The following CNKSR2 variants were observed in gnomAD, a reference collection of about 807,000 sequenced individuals.
The protein encoded by CNKSR2 is connector enhancer of kinase suppressor of Ras 2.
In CNKSR2, 14 loss-of-function variants were observed where a neutral mutation model predicts 84.4. The ratio of observed to expected loss-of-function variants is 0.17; its 90% CI spans 0.11 to 0.26. CNKSR2 has a LOEUF of 0.26. Among genes scored for constraint, CNKSR2 ranks in the 10% least tolerant of loss-of-function variants. The pLI, the probability that CNKSR2 is intolerant of heterozygous loss-of-function variation, is 1.00. For missense variants in CNKSR2, 485 were observed against 771.2 expected (o/e 0.63, Z 4.40); for synonymous variants, 275 against 277.9 (o/e 0.99, Z 0.10).
intron 6 of CNKSR2, chrX:21,493,744 A>G (rs2091465153): frequency 9.0e-6 from 1 of 111,208 alleles, no homozygotes; most frequent in Admixed American, 9.6e-5. Context: ...TTTGAAACTC[A>G]TCCAAGCAAC....
At chrX:21,554,517 T>C (rs1338704388) in intron 11 of CNKSR2, among the ~76,000 whole-genome samples, 1 of 111,312 alleles carries the variant, frequency 9.0e-6, no homozygotes, top group Non-Finnish European at 1.9e-5. Flanking sequence ...CAGTGTATGT[T>C]GTTCCCCTCT....
At chrX:21,409,654 G>A (rs1007669173) in intron 1 of CNKSR2, among the ~76,000 whole-genome samples, 9 of 110,479 alleles carry the variant, frequency 8.1e-5, no homozygotes, top group African/African-American at 1.6e-4. Flanking sequence ...ACTTGTTTGT[G>A]GTTTCTTTTT....
chrX:21,384,585 T>C (rs1194735063), intron 1 of CNKSR2, among the ~76,000 whole-genome samples: 2 of 111,918 alleles, frequency 1.8e-5, no homozygotes, highest in Non-Finnish European at 3.8e-5. Context: ...CTATTGAAGA[T>C]TACTGTTAAT....
At chrX:21,467,954 T>C (rs12006863) in intron 4 of CNKSR2, among the ~76,000 whole-genome samples, 4,281 of 111,463 alleles carry the variant, frequency 0.038, 192 homozygotes, top group African/African-American at 0.13. Flanking sequence ...GTATACTATA[T>C]GTTGAATTTT....
chrX:21,394,228 A>G (rs1235783625), intron 1 of CNKSR2, among the ~76,000 whole-genome samples: 3 of 112,272 alleles, frequency 2.7e-5, no homozygotes, highest in Non-Finnish European at 3.8e-5. Context: ...AGGATTTAAA[A>G]TGATCTTAAT....
intron 11 of CNKSR2, among the ~76,000 whole-genome samples, chrX:21,532,541 T>C (rs1356197897): frequency 9.0e-6 from 1 of 110,916 alleles, no homozygotes; most frequent in African/African-American, 3.3e-5. Flanking sequence ...GTGAAATTTA[T>C]TTGACATTAG....
At chrX:21,570,290 C>T (rs2092274339) in intron 13 of CNKSR2, among the ~76,000 whole-genome samples, 1 of 112,899 alleles carries the variant, frequency 8.9e-6, no homozygotes, top group Non-Finnish European at 1.9e-5. Flanking sequence ...GCTTCTCCAT[C>T]AGCACTTGTT....
At chrX:21,589,224 A>G (rs1361192630) in intron 13 of CNKSR2, among the ~76,000 whole-genome samples, 3 of 112,468 alleles carry the variant, frequency 2.7e-5, no homozygotes, top group Non-Finnish European at 5.6e-5. Context: ...TCAGCAAATT[A>G]TCTGACCCTT....
intron 1 of CNKSR2, among the ~76,000 whole-genome samples, chrX:21,407,524 C>G (rs1467387073): frequency 1.8e-5 from 2 of 110,478 alleles, no homozygotes; most frequent in South Asian, 3.8e-4. Context: ...TCAAGAACCC[C>G]TCACCCCCTC....
intron 9 of CNKSR2, among the ~76,000 whole-genome samples, chrX:21,518,437 C>A (rs182449441): frequency 9.0e-6 from 1 of 111,558 alleles, no homozygotes; most frequent in African/African-American, 3.2e-5. Flanking sequence ...TCCATGCACT[C>A]GGTTTGAGGG....
intron 13 of CNKSR2, among the ~76,000 whole-genome samples, chrX:21,574,360 AT>A (rs1195198519): frequency 8.9e-6 from 1 of 111,769 alleles, no homozygotes; most frequent in African/African-American, 3.3e-5. Flanking sequence ...AATTTACTGT[AT>A]TAGTTCATTC....
rs752561114 is a variant in CNKSR2 at position 21,470,875 on chromosome X, A to G, written c.561+68A>G. Reference sequence around the variant, plus strand: ...TTCCTTGTTCAACTAGAAGAGGTGAACCATAAGAAAAAAAATCTACTGACC... The same window carrying G: ...TTCCTTGTTCAACTAGAAGAGGTGAGCCATAAGAAAAAAAATCTACTGACC... On this transcript the variant is annotated intron_variant, in intron 5 of 21. Transcript: ENST00000379510. 4.8e-4 allele frequency: 276 copies of G among 576,707 alleles called. 1 individual carries two copies. The highest frequency in any genetic ancestry group is 3.8e-3 in the South Asian group (98 of 26,062). 47.5% of individuals were successfully genotyped at this position (576,707 alleles called of 1,213,427 possible).
intron 11 of CNKSR2, among the ~76,000 whole-genome samples, chrX:21,533,784 G>A (rs912807270): frequency 9.0e-6 from 1 of 110,927 alleles, no homozygotes; most frequent in Admixed American, 9.6e-5. Flanking sequence ...ATTCAGTATG[G>A]CTTTTAACTT....
chrX:21,512,754 T>TTTTTG (rs370460056), intron 8 of CNKSR2, among the ~76,000 whole-genome samples: 8,878 of 110,373 alleles, frequency 0.08, 990 homozygotes, highest in African/African-American at 0.28. Flanking sequence ...TAGGGAGGTT[T>TTTTTG]TTTTGTTTTG....
intron 17 of CNKSR2, 96 bp downstream of exon 17, chrX:21,595,491 GTCAA>G: frequency 2.0e-6 from 1 of 488,223 alleles, no homozygotes; most frequent in South Asian, 4.0e-5. Flanking sequence ...AAGTTTCTAG[GTCAA>G]TCAGTTTAAA....
At chrX:21,641,924 G>C in intron 20 of CNKSR2, 2 of 789,548 alleles carry the variant, frequency 2.5e-6, no homozygotes, top group Non-Finnish European at 3.0e-6. Flanking sequence ...AAGGGGAAAG[G>C]GTCTTAACTG....
At chrX:21,602,761 G>A (rs1391065171) in intron 18 of CNKSR2, among the ~76,000 whole-genome samples, 1 of 111,425 alleles carries the variant, frequency 9.0e-6, no homozygotes, top group Admixed American at 9.5e-5. Context: ...TATGGTAAGA[G>A]TACTGAAAAA....
chrX:21,514,986 A>G (rs1181522060), intron 8 of CNKSR2, among the ~76,000 whole-genome samples: 1 of 110,319 alleles, frequency 9.1e-6, no homozygotes, highest in Non-Finnish European at 1.9e-5. Context: ...ACTTACATAT[A>G]AGGGGAGGCA....
intron 1 of CNKSR2, among the ~76,000 whole-genome samples, chrX:21,383,628 G>A (rs1320408918): frequency 9.0e-6 from 1 of 111,326 alleles, no homozygotes; most frequent in Non-Finnish European, 1.9e-5. Flanking sequence ...TGGTAGATAA[G>A]AAGAAACCTC....
Sources: gnomAD v4.1 joint callset for allele counts (sites outside exome capture counted in the v4.1 genomes callset) on GRCh38, gnomAD v4.1.1 for gene constraint, MANE v1.5 for transcripts, NCBI Gene and HGNC (gene_info 2026-07-23, HGNC 2026-07-21) for gene names.